The following MYO5A variants were observed in gnomAD, a reference collection of about 807,000 sequenced individuals.
The protein encoded by MYO5A is myosin VA, also known as unconventional myosin-Va.
MYO5A carries 98 observed loss-of-function variants against 249.7 expected under a neutral mutation model. The ratio of observed to expected loss-of-function variants is 0.39; its 90% CI spans 0.33 to 0.46. The LOEUF (loss-of-function observed/expected upper bound fraction) is 0.46, where lower values mean the gene tolerates loss of function less well. Ranked by LOEUF, MYO5A falls within the 20% of genes least tolerant of loss-of-function variation. MYO5A has a pLI of 0.98. For missense variants in MYO5A, 1,696 were observed against 2,308.8 expected (o/e 0.73, Z 5.44); for synonymous variants, 778 against 810.6 (o/e 0.96, Z 0.68).
chr15:52,400,739 A>G (rs1018267389), intron 9 of MYO5A, among the ~76,000 whole-genome samples: 3 of 152,202 alleles, frequency 2.0e-5, no homozygotes, highest in Admixed American at 2.0e-4. Context: ...AAGCTATGTG[A>G]TATTGATTGG....
At chr15:52,409,783 C>T (rs1451996140) in intron 6 of MYO5A, among the ~76,000 whole-genome samples, 1 of 152,196 alleles carries the variant, frequency 6.6e-6, no homozygotes, top group African/African-American at 2.4e-5. Context: ...ATATCTCCCA[C>T]TTACCAATCA....
chr15:52,318,967 C>T, intron 39 of MYO5A, 93 bp downstream of exon 39: 1 of 1,476,942 alleles, frequency 6.8e-7, no homozygotes, highest in East Asian at 2.4e-5. Flanking sequence ...ACATGAGATG[C>T]AAGAACTGAA....
In MYO5A at chr15:52,415,830, T is replaced by C. The variant is rs139669912; in HGVS notation, c.612+315A>G. On this transcript the variant is annotated intron_variant, in intron 5 of 41. Coordinates refer to ENST00000399233, the MANE Select transcript of MYO5A (RefSeq NM_001382347.1). ...ACTTCTGGTACAAGGAAAGGAACAATAGACATGAGTCAGTTAATGAGGAGA... is the reference window on the plus strand; with the variant it reads ...ACTTCTGGTACAAGGAAAGGAACAACAGACATGAGTCAGTTAATGAGGAGA... Among the ~76,000 whole-genome samples, 22 of 152,258 alleles carry C rather than the reference T, an allele frequency of 1.4e-4. No individual in the cohort carries two copies. In the East Asian group the frequency reaches 3.9e-3, roughly 27 times the overall value.
chr15:52,420,532 CTCTT>C (rs2043738367), intron 4 of MYO5A, among the ~76,000 whole-genome samples: 1 of 152,052 alleles, frequency 6.6e-6, no homozygotes, highest in African/African-American at 2.4e-5. Context: ...ATCAACCTTG[CTCTT>C]TCTTGCATCC....
intron 1 of MYO5A, among the ~76,000 whole-genome samples, chr15:52,496,047 C>T (rs1285145471): frequency 6.7e-6 from 1 of 149,372 alleles, no homozygotes; most frequent in African/African-American, 2.5e-5. Context: ...ACATTGTGCA[C>T]ATGTACCCTA....
chr15:52,484,626 A>G (rs575113748), intron 1 of MYO5A, among the ~76,000 whole-genome samples: 13 of 152,088 alleles, frequency 8.5e-5, no homozygotes, highest in Admixed American at 3.3e-4. Flanking sequence ...TATTCCCCCA[A>G]ATGTTTTCTG....
intron 1 of MYO5A, among the ~76,000 whole-genome samples, chr15:52,527,413 G>A (rs1185716074): frequency 6.6e-6 from 1 of 152,192 alleles, no homozygotes; most frequent in Non-Finnish European, 1.5e-5. Context: ...TTACCAGGTT[G>A]AGAGAGAAGT....
intron 1 of MYO5A, among the ~76,000 whole-genome samples, chr15:52,456,797 C>T (rs2076128156): frequency 6.6e-6 from 1 of 152,114 alleles, no homozygotes; most frequent in South Asian, 2.1e-4. Context: ...ACCCCAGTCT[C>T]TCAACATACA....
intron 8 of MYO5A, 110 bp from the exon 9 acceptor site, chr15:52,405,503 T>G: frequency 2.5e-6 from 2 of 811,638 alleles, no homozygotes; most frequent in Non-Finnish European, 4.1e-6. Flanking sequence ...CCAGATGTTG[T>G]GCATATTATA....
chr15:52,489,309 A>C (rs547445825), intron 1 of MYO5A, among the ~76,000 whole-genome samples: 16 of 152,230 alleles, frequency 1.1e-4, no homozygotes, highest in Non-Finnish European at 2.1e-4. Flanking sequence ...TCATGCCTGT[A>C]ATCCCAGCAC....
chr15:52,515,888 A>C (rs552382956), intron 1 of MYO5A, among the ~76,000 whole-genome samples: 82 of 152,326 alleles, frequency 5.4e-4, no homozygotes, highest in South Asian at 3.5e-3. Context: ...AAGGTGCAAT[A>C]GGAGGTAAGT....
chr15:52,416,155 G>C lies in MYO5A; in HGVS notation c.602C>G (p.Pro201Arg). The C allele has an allele frequency of 1.2e-6, 2 of 1,613,956 alleles. No homozygotes were observed. Among genetic ancestry groups the C allele is most frequent in the South Asian group, 2.2e-5 (2 of 91,074 alleles). The change falls in exon 5 of 42, where the codon CCC becomes CGC. Residue 201 changes from proline to arginine, a missense_variant. By Grantham distance (103) the Pro-to-Arg change is moderately radical. This residue lies in a region of MYO5A where 197 missense variants were observed against 320.3 expected (regional missense o/e 0.62). Transcript: ENST00000399233. ...GACTCGCTGTCTTACCTCCATGATG[G>C]GGTTGGAGGCCAAGACCTTTTCCTC... Reference protein sequence around the residue: ...NVEEKVLASNPIMESIGNAKT... With the variant: ...NVEEKVLASNRIMESIGNAKT...
intron 1 of MYO5A, among the ~76,000 whole-genome samples, chr15:52,474,638 T>C (rs561620240): frequency 1.3e-5 from 2 of 152,308 alleles, no homozygotes; most frequent in South Asian, 2.1e-4. Flanking sequence ...CTGCATCTAT[T>C]GAGATAATCA....
At position 52,370,258 on chromosome 15, in the gene MYO5A, C is replaced by T; in HGVS notation, c.2977G>A (p.Ala993Thr). ...GRVLSLQEEI[A>T]KLRKDLEQTR... is the part of the protein sequence containing the mutation. ...TGCTCCAGGTCTTTCCGGAGCTTGG[C>T]AATTTCTTCCTGCAGACTAAGGACC... Residue 993 changes from alanine to threonine, a missense_variant, in exon 22 of 42, where the codon GCC becomes ACC. Ala to Thr is a moderately conservative substitution (Grantham distance 58). This residue lies in a region of MYO5A where 412 missense variants were observed against 453.3 expected (regional missense o/e 0.91). Transcript: ENST00000399233. 6.2e-7 allele frequency: 1 copy of T among 1,614,094 alleles called. No individual in the cohort carries two copies. Among genetic ancestry groups the T allele is most frequent in the Non-Finnish European group, 8.5e-7 (1 of 1,179,998 alleles).
chr15:52,393,586 G>T (rs1458819716), intron 11 of MYO5A, among the ~76,000 whole-genome samples: 1 of 151,998 alleles, frequency 6.6e-6, no homozygotes, highest in Non-Finnish European at 1.5e-5. Context: ...GTAGAGACGG[G>T]GTTTCACCGT....
At chr15:52,443,059 A>C (rs2075817563) in intron 1 of MYO5A, among the ~76,000 whole-genome samples, 1 of 152,172 alleles carries the variant, frequency 6.6e-6, no homozygotes, top group South Asian at 2.1e-4. Context: ...CCAAAACAGT[A>C]GATTTTATTA....
chr15:52,438,304 T>C (rs1157052666), intron 1 of MYO5A, among the ~76,000 whole-genome samples: 1 of 152,108 alleles, frequency 6.6e-6, no homozygotes, highest in African/African-American at 2.4e-5. Context: ...ACAAGGCCAC[T>C]GGAACGCATG....
At position 52,319,199 on chromosome 15, in the gene MYO5A, C is replaced by A; in HGVS notation, c.5095G>T (p.Val1699Phe). 3 of 1,614,172 alleles carry A rather than the reference C, an allele frequency of 1.9e-6. No homozygotes were observed. Among genetic ancestry groups the A allele is most frequent in the South Asian group, 1.1e-5 (1 of 91,080 alleles). The change falls in exon 39 of 42, where the codon GTC becomes TTC. Residue 1699 changes from valine to phenylalanine, a missense_variant. Coordinates refer to ENST00000399233, the MANE Select transcript of MYO5A (RefSeq NM_001382347.1). ...GGGTCCATGCCATGCTGACACATGA[C>A]CGAGTGGAAGGAGTTGAGCTGCCGG... ...ILRQLNSFHS[V>F]MCQHGMDPEL...
chr15:52,394,377 C>T (rs1219760247), intron 11 of MYO5A, among the ~76,000 whole-genome samples: 1 of 152,110 alleles, frequency 6.6e-6, no homozygotes, highest in Non-Finnish European at 1.5e-5. Flanking sequence ...GGAGTTGAAA[C>T]TGAAAGAAGC....
Sources: gnomAD v4.1 joint callset for allele counts (sites outside exome capture counted in the v4.1 genomes callset) on GRCh38, gnomAD v4.1.1 for gene constraint, gnomAD v4.1.1 regional missense constraint, MANE v1.5 for transcripts, NCBI Gene and HGNC (gene_info 2026-07-23, HGNC 2026-07-21) for gene names.